FAM118B: variants seen among roughly 807,000 people sequenced by gnomAD.
The protein encoded by FAM118B is SIR2 antiphage like 1.
A neutral mutation model predicts 38.5 loss-of-function variants in FAM118B; 24 were observed. That is an observed-to-expected ratio of 0.62 (90% CI 0.45 to 0.88). The LOEUF (loss-of-function observed/expected upper bound fraction) is 0.88, where lower values mean the gene tolerates loss of function less well. Among genes scored for constraint, FAM118B ranks in the 40% least tolerant of loss-of-function variants. The probability of loss-of-function intolerance (pLI) is 0.00; values close to 1 mark genes in which losing one functional copy is unlikely to be tolerated. For missense variants in FAM118B, 334 were observed against 420.0 expected, an observed-to-expected ratio of 0.80 and a Z score of 1.79; for synonymous variants, 138 against 156.3, an observed-to-expected ratio of 0.88 and a Z score of 0.87.
At chr11:126,261,722 C>G (rs373301838) in intron 8 of FAM118B, among the ~76,000 whole-genome samples, 22 of 152,312 alleles carry the variant, frequency 1.4e-4, no homozygotes, top group African/African-American at 5.1e-4. Flanking sequence ...GGTGTGGTGG[C>G]TCAGGCCTGT....
At chr11:126,231,066 AG>A in intron 2 of FAM118B, among the ~76,000 whole-genome samples, 1 of 152,268 alleles carries the variant, frequency 6.6e-6, no homozygotes, top group Non-Finnish European at 1.5e-5. Flanking sequence ...TCAAAGTACA[AG>A]TGTTCTGTCT....
chr11:126,213,507 C>T lies in FAM118B; in HGVS notation c.-77+1677C>T, dbSNP rs554614972. Among the ~76,000 whole-genome samples, 5 of 152,306 alleles carry T rather than the reference C, an allele frequency of 3.3e-5. 1 individual carries two copies. The highest frequency in any genetic ancestry group is 1.3e-4 in the Admixed American group (2 of 15,306). ...GAATTATTACCTTCCATGCTCCAGA[C>T]CTAGGTTCTAATTTCACTTGAACAT... On this transcript the variant is annotated intron_variant, in intron 1 of 8. Coordinates refer to ENST00000533050, the MANE Select transcript of FAM118B (RefSeq NM_024556.4).
At chr11:126,240,713 T>C in intron 3 of FAM118B, 79 bp from the exon 4 acceptor site, 1 of 1,416,230 alleles carries the variant, frequency 7.1e-7, no homozygotes, top group East Asian at 2.3e-5. Context: ...CTAAAAACTG[T>C]AACCTGAGTC....
chr11:126,239,666 A>G (rs1950329982), intron 3 of FAM118B, among the ~76,000 whole-genome samples: 1 of 152,134 alleles, frequency 6.6e-6, no homozygotes. Flanking sequence ...GGTGTGCGCC[A>G]CCAGACCCAG....
intron 3 of FAM118B, among the ~76,000 whole-genome samples, chr11:126,238,618 G>C (rs1435084399): frequency 2.0e-5 from 3 of 152,174 alleles, no homozygotes; most frequent in Non-Finnish European, 4.4e-5. Context: ...TCAGCTGTGT[G>C]CAGTGTTCTC....
intron 3 of FAM118B, among the ~76,000 whole-genome samples, chr11:126,237,215 C>CATTTTT: frequency 2.3e-5 from 1 of 43,100 alleles, no homozygotes; most frequent in Non-Finnish European, 4.0e-5. Context: ...CGCGCCTGGC[C>CATTTTT]TTTTTTTTTT....
intron 4 of FAM118B, among the ~76,000 whole-genome samples, chr11:126,248,058 A>G (rs1405124506): frequency 1.3e-5 from 2 of 150,734 alleles, no homozygotes; most frequent in Non-Finnish European, 3.0e-5. Flanking sequence ...AATCAGGAGA[A>G]TCACCTGAAC....
At chr11:126,223,226 C>G (rs550742939) in intron 1 of FAM118B, among the ~76,000 whole-genome samples, 6 of 152,064 alleles carry the variant, frequency 3.9e-5, no homozygotes, top group Non-Finnish European at 4.4e-5. Flanking sequence ...CTTGTAGCCA[C>G]GATGAGGAGT....
In FAM118B at chr11:126,254,315, G is replaced by T; in HGVS notation, c.578G>T (p.Trp193Leu). ...ATGTGTGTTGTGCAGGTCCTCGAGT[G>T]GGCTCAGGAGAAGCGTAAGCTGAGC... The part of the protein sequence containing the change: ...DLTDEKKVLE[W>L]AQEKRKLSVL... Residue 193 changes from tryptophan (W) to leucine (L), a missense_variant, in exon 6 of 9, where the codon TGG becomes TTG. Coordinates refer to ENST00000533050, the MANE Select transcript of FAM118B (RefSeq NM_024556.4). 1 of 1,614,048 alleles carries T rather than the reference G, an allele frequency of 6.2e-7. No individual in the cohort carries two copies. Among genetic ancestry groups the T allele is most frequent in the South Asian group, 1.1e-5 (1 of 91,068 alleles).
rs1421694764 is a variant in FAM118B, at chr11:126,233,582, C to T, written c.-7-1413C>T. The T allele has an allele frequency of 1.1e-5, 4 of 368,678 alleles. No homozygotes were observed. The East Asian group carries it at 2.3e-4, about 22-fold the overall frequency. The allele number at this position is 368,678 out of a possible 1,614,324, so 22.8% of individuals were successfully genotyped here. A position where few individuals can be genotyped will look rare whatever the true frequency, so the allele number is the denominator to read the frequency against. ...TGACTCATCTGTCTTCTCCTGAGCCCCAGCTTTCTCACCAACAGAATCAAA... is the reference window on the plus strand; with the variant it reads ...TGACTCATCTGTCTTCTCCTGAGCCTCAGCTTTCTCACCAACAGAATCAAA... On this transcript the variant is annotated intron_variant, in intron 2 of 8. Coordinates refer to ENST00000533050, the MANE Select transcript of FAM118B (RefSeq NM_024556.4).
chr11:126,214,436 C>A (rs1949939683), intron 1 of FAM118B: 1 of 133,792 alleles, frequency 7.5e-6, no homozygotes. Context: ...AATCACCCCT[C>A]AGATAAACCT....
intron 3 of FAM118B, among the ~76,000 whole-genome samples, chr11:126,239,413 A>C (rs1950325877): frequency 6.6e-6 from 1 of 152,122 alleles, no homozygotes; most frequent in Non-Finnish European, 1.5e-5. Context: ...GAATCCTAGA[A>C]ATTTTCTATG....
At chr11:126,223,858 T>C (rs1021575249) in intron 1 of FAM118B, among the ~76,000 whole-genome samples, 2 of 152,212 alleles carry the variant, frequency 1.3e-5, no homozygotes, top group African/African-American at 2.4e-5. Flanking sequence ...AGTTGAAGTT[T>C]TCTTCTGCCT....
At chr11:126,232,710 AATATTTTTTTTTAAAAAAAT>A (rs1173129342) in intron 2 of FAM118B, among the ~76,000 whole-genome samples, 1 of 151,694 alleles carries the variant, frequency 6.6e-6, no homozygotes, top group Non-Finnish European at 1.5e-5. Flanking sequence ...AAACTTAAAA[AATATTTTTTTTTAAAAAAAT>A]ATATTTTTTC....
rs1950715954 is a variant in FAM118B at position 126,262,221 on chromosome 11, C to T, written c.*88C>T. ...AACAAGTAAACTTACAAGAACCCAA[C>T]ACAATTCCCAGAAAGTAACAATAGC... On this transcript the variant is annotated 3_prime_UTR_variant, in exon 9 of 9. Coordinates refer to ENST00000533050, the MANE Select transcript of FAM118B (RefSeq NM_024556.4). 1 of 1,421,712 alleles carries T rather than the reference C, an allele frequency of 7.0e-7. No homozygotes were observed. The highest frequency in any genetic ancestry group is 9.9e-7 in the Non-Finnish European group (1 of 1,010,212). 88.1% of individuals were successfully genotyped at this position (1,421,712 alleles called of 1,614,324 possible). A position where few individuals can be genotyped will look rare whatever the true frequency, so the allele number is the denominator to read the frequency against.
intron 2 of FAM118B, chr11:126,233,739 C>T: frequency 2.2e-6 from 1 of 456,268 alleles, no homozygotes; most frequent in Non-Finnish European, 4.4e-6. Flanking sequence ...TGTGAGCCTT[C>T]TGTTTACCAC....
At chr11:126,241,848 C>T (rs949469095) in intron 4 of FAM118B, among the ~76,000 whole-genome samples, 4 of 152,022 alleles carry the variant, frequency 2.6e-5, no homozygotes, top group African/African-American at 9.7e-5. Context: ...CTGCACCCAG[C>T]CTGTTTTAAA....
At position 126,252,470 on chromosome 11, in the gene FAM118B, G is replaced by C. The variant is rs533307514; in HGVS notation, c.567+1737G>C. 6.6e-6 allele frequency among the ~76,000 whole-genome samples: 1 copy of C among 152,288 alleles called. No individual in the cohort carries two copies. The highest frequency in any genetic ancestry group is 1.9e-4 in the East Asian group (1 of 5,182). On this transcript the variant is annotated intron_variant, in intron 5 of 8. Coordinates refer to ENST00000533050, the MANE Select transcript of FAM118B (RefSeq NM_024556.4). This position sits in a 1 kb window ranked among gnomAD's most constrained non-coding sequence, Gnocchi z 4.7. ...TTTGATTAATAAATGATTGGGCTGG[G>C]CACAGCAGCTCAGGCCTGTAACCCC... is the stretch of plus-strand genomic sequence containing the variant.
intron 3 of FAM118B, among the ~76,000 whole-genome samples, chr11:126,235,312 T>G (rs534445539): frequency 5.9e-5 from 9 of 152,366 alleles, no homozygotes; most frequent in African/African-American, 1.9e-4. Flanking sequence ...TCCTCAGAGA[T>G]AATCACTTTC....
Sources: allele counts gnomAD v4.1 joint callset (sites outside exome capture counted in the v4.1 genomes callset), GRCh38; gene constraint gnomAD v4.1.1; non-coding constraint Gnocchi (gnomAD v3.1); transcripts MANE v1.5; gene names NCBI Gene and HGNC (gene_info 2026-07-23, HGNC 2026-07-21).